The following FSTL5 variants were observed in gnomAD, a reference collection of about 807,000 sequenced individuals.
FSTL5 encodes the protein follistatin like 5, also known as follistatin-related protein 5.
A neutral mutation model predicts 89.1 loss-of-function variants in FSTL5; 62 were observed. The observed-to-expected ratio is 0.70, with a 90% CI of 0.57 to 0.86. The LOEUF is 0.86. Among genes scored for constraint, FSTL5 ranks in the 40% least tolerant of loss-of-function variants. The pLI is 0.00. For missense variants in FSTL5, 1,057 were observed against 1,001.6 expected, an observed-to-expected ratio of 1.06 and a Z score of -0.75; for synonymous variants, 383 against 346.2, an observed-to-expected ratio of 1.11 and a Z score of -1.18.
intron 15 of FSTL5, among the ~76,000 whole-genome samples, chr4:161,449,821 T>C (rs780498944): frequency 2.0e-5 from 3 of 152,210 alleles, no homozygotes; most frequent in Non-Finnish European, 2.9e-5. Context: ...TTTCTACTTA[T>C]AACACCAAAT....
At chr4:161,793,528 T>C (rs936476812) in intron 4 of FSTL5, among the ~76,000 whole-genome samples, 5 of 152,172 alleles carry the variant, frequency 3.3e-5, no homozygotes, top group African/African-American at 1.2e-4. Flanking sequence ...AACTCTAATG[T>C]GATGAAAGAA....
chr4:161,545,723 T>C (rs932053168), intron 8 of FSTL5, among the ~76,000 whole-genome samples: 1 of 151,936 alleles, frequency 6.6e-6, no homozygotes, highest in African/African-American at 2.4e-5. Flanking sequence ...CCACAAAATG[T>C]CCAAAGATTC....
chr4:161,408,787 G>C (rs557048303), intron 15 of FSTL5, among the ~76,000 whole-genome samples: 1 of 152,298 alleles, frequency 6.6e-6, no homozygotes, highest in East Asian at 1.9e-4. Context: ...AATACAATCA[G>C]AAGTATTAGC....
chr4:161,656,870 G>T (rs1288658211), intron 6 of FSTL5, among the ~76,000 whole-genome samples: 1 of 143,330 alleles, frequency 7.0e-6, no homozygotes, highest in Admixed American at 7.2e-5. Flanking sequence ...TATACTGTAG[G>T]TTAGGTGAGA....
chr4:162,024,450 G>T (rs1051568544), intron 3 of FSTL5, among the ~76,000 whole-genome samples: 25 of 152,062 alleles, frequency 1.6e-4, no homozygotes, highest in African/African-American at 5.8e-4. Flanking sequence ...ATTTGTTTAA[G>T]TAACCTTCAT....
intron 15 of FSTL5, among the ~76,000 whole-genome samples, chr4:161,449,074 T>C (rs1733059041): frequency 6.6e-6 from 1 of 152,168 alleles, no homozygotes. Context: ...GAAAAAGCTG[T>C]GGGAACTGGC....
chr4:161,742,127 C>G (rs1740050844), intron 6 of FSTL5, among the ~76,000 whole-genome samples: 1 of 151,818 alleles, frequency 6.6e-6, no homozygotes, highest in African/African-American at 2.4e-5. Context: ...AAAGAAAAAA[C>G]AATGCAAATA....
chr4:161,657,969 G>C (rs906876271), intron 6 of FSTL5, among the ~76,000 whole-genome samples: 1 of 152,158 alleles, frequency 6.6e-6, no homozygotes, highest in African/African-American at 2.4e-5. Context: ...AAAGTGAACA[G>C]GAATGCTCTT....
Position 161,638,138 on chromosome 4 carries a change from C to A in FSTL5, c.894+18190G>T, listed in dbSNP as rs529093750. Among the ~76,000 whole-genome samples the A allele has an allele frequency of 6.5e-3, 975 of 150,464 alleles. 11 individuals carry two copies. Among genetic ancestry groups the A allele is most frequent in the African/African-American group, 0.022 (905 of 40,784 alleles). On this transcript the variant is annotated intron_variant, in intron 7 of 15. Transcript: ENST00000306100. ...ATTTGTTTGTATCCTCTTTTATTTCCTTGAGCAGTGGTTTGTAGTTCTCCT... is the reference window on the plus strand; with the variant it reads ...ATTTGTTTGTATCCTCTTTTATTTCATTGAGCAGTGGTTTGTAGTTCTCCT...
rs72989121 is a variant in FSTL5 at position 161,422,727 on chromosome 4, A to G, written c.1841+32277T>C. ...GGACACCTAAGTACTACTCTTCAAA[A>G]TACCCTAGGGAGTTTGCTTTATTTT... On this transcript the variant is annotated intron_variant, in intron 15 of 15. Coordinates refer to ENST00000306100, the MANE Select transcript of FSTL5 (RefSeq NM_020116.5). 5.7e-3 allele frequency among the ~76,000 whole-genome samples: 863 copies of G among 151,330 alleles called. 14 individuals carry two copies. Among genetic ancestry groups the G allele is most frequent in the East Asian group, 0.054 (282 of 5,178 alleles).
chr4:161,832,586 A>G (rs931918539), intron 4 of FSTL5, among the ~76,000 whole-genome samples: 1 of 152,176 alleles, frequency 6.6e-6, no homozygotes, highest in Admixed American at 6.6e-5. Context: ...CAGATAGTCA[A>G]CTTCTTCCTG....
At chr4:161,833,897 G>T (rs1730937956) in intron 4 of FSTL5, among the ~76,000 whole-genome samples, 1 of 151,948 alleles carries the variant, frequency 6.6e-6, no homozygotes, top group Admixed American at 6.6e-5. Flanking sequence ...AGTTAATATT[G>T]TGATGTGTGA....
At chr4:161,487,715 T>A (rs914930206) in intron 12 of FSTL5, among the ~76,000 whole-genome samples, 16 of 152,168 alleles carry the variant, frequency 1.1e-4, no homozygotes, top group African/African-American at 2.9e-4. Flanking sequence ...CTTTTAAGTA[T>A]GTATTTTTAA....
rs553252351 is a variant in FSTL5 at position 161,873,989 on chromosome 4, T to C, written c.409+46415A>G. Reference sequence around the variant, plus strand: ...AGATTGTTGTTGCTATGATATGCAATTTTAGAATAAGCATTCTTGCATATT... The same window carrying C: ...AGATTGTTGTTGCTATGATATGCAACTTTAGAATAAGCATTCTTGCATATT... On this transcript the variant is annotated intron_variant, in intron 4 of 15. Transcript: ENST00000306100. Among the ~76,000 whole-genome samples the C allele has an allele frequency of 1.2e-3, 177 of 152,226 alleles. 2 individuals are homozygous for C. The highest frequency in any genetic ancestry group is 3.9e-3 in the African/African-American group (162 of 41,562).
chr4:162,141,578 C>T (rs1732748280), intron 1 of FSTL5, among the ~76,000 whole-genome samples: 1 of 152,078 alleles, frequency 6.6e-6, no homozygotes. Flanking sequence ...CTTATTTCTT[C>T]GTATTATCCA....
intron 3 of FSTL5, among the ~76,000 whole-genome samples, chr4:161,994,679 C>A (rs1736236712): frequency 6.6e-6 from 1 of 152,152 alleles, no homozygotes; most frequent in Non-Finnish European, 1.5e-5. Flanking sequence ...AGTGTGTCTT[C>A]TTTTGAAAAG....
intron 1 of FSTL5, among the ~76,000 whole-genome samples, chr4:162,115,798 G>A (rs1018418438): frequency 3.9e-5 from 6 of 152,036 alleles, no homozygotes; most frequent in African/African-American, 9.7e-5. Flanking sequence ...TATTTTCTCC[G>A]CATGGCAAAA....
chr4:161,658,128 A>G (rs1211482716), intron 6 of FSTL5, among the ~76,000 whole-genome samples: 1 of 152,132 alleles, frequency 6.6e-6, no homozygotes, highest in Admixed American at 6.6e-5. Context: ...CTTGAATCAG[A>G]TTTATCCATA....
chr4:162,153,062 A>C (rs1733293471), intron 1 of FSTL5, among the ~76,000 whole-genome samples: 2 of 152,148 alleles, frequency 1.3e-5, no homozygotes, highest in Non-Finnish European at 2.9e-5. Context: ...AGAGGATTTT[A>C]AGGTATTATA....
Sources: allele counts gnomAD v4.1 joint callset (sites outside exome capture counted in the v4.1 genomes callset), GRCh38; gene constraint gnomAD v4.1.1; transcripts MANE v1.5; gene names NCBI Gene and HGNC (gene_info 2026-07-23, HGNC 2026-07-21).